Variants in SLC9B1 observed in about 807,000 individuals in gnomAD.
SLC9B1 encodes the protein sodium/hydrogen exchanger 9B1.
A neutral mutation model predicts 51.7 loss-of-function variants in SLC9B1; 32 were observed. The ratio of observed to expected loss-of-function variants is 0.62; its 90% CI spans 0.47 to 0.83. SLC9B1 has a LOEUF of 0.83. SLC9B1 is among the 40% of genes least tolerant of loss of function. SLC9B1 has a pLI of 0.00. For synonymous variants in SLC9B1, 145 were observed against 212.7 expected (o/e 0.68, Z 2.77); for missense variants, 406 against 613.2 (o/e 0.66, Z 3.57).
chr4:102,925,673 A>T (rs940462096), intron 7 of SLC9B1, among the ~76,000 whole-genome samples: 4 of 149,444 alleles, frequency 2.7e-5, no homozygotes, highest in African/African-American at 1.0e-4. Flanking sequence ...AAAACATCAA[A>T]AAAATTAAAC....
At chr4:103,005,104 T>C (rs1227046844) in intron 1 of SLC9B1, among the ~76,000 whole-genome samples, 1 of 152,124 alleles carries the variant, frequency 6.6e-6, no homozygotes, top group African/African-American at 2.4e-5. Context: ...CAACTTTGAA[T>C]GTAAATGAGC....
chr4:102,988,205 G>C (rs1739758072), intron 3 of SLC9B1, among the ~76,000 whole-genome samples: 1 of 152,044 alleles, frequency 6.6e-6, no homozygotes, highest in African/African-American at 2.4e-5. Flanking sequence ...AAAGTAGGCT[G>C]AAAAGAAACA....
At chr4:103,009,062 T>A (rs1027118729) in intron 1 of SLC9B1, among the ~76,000 whole-genome samples, 2 of 152,202 alleles carry the variant, frequency 1.3e-5, no homozygotes, top group African/African-American at 2.4e-5. Flanking sequence ...CCTCCCAAAG[T>A]ACTGGGATTA....
intron 7 of SLC9B1, among the ~76,000 whole-genome samples, chr4:102,925,458 G>A (rs1446978123): frequency 6.6e-6 from 1 of 151,966 alleles, no homozygotes; most frequent in Non-Finnish European, 1.5e-5. Context: ...TGTAAATGAC[G>A]AGTTAATGGG....
intron 3 of SLC9B1, among the ~76,000 whole-genome samples, chr4:102,964,378 C>G (rs559805903): frequency 2.0e-5 from 3 of 151,836 alleles, no homozygotes; most frequent in Non-Finnish European, 2.9e-5. Flanking sequence ...GGAAATAATA[C>G]CAATGTTACA....
chr4:102,947,145 G>A (rs1488187203), intron 4 of SLC9B1, among the ~76,000 whole-genome samples: 2 of 152,166 alleles, frequency 1.3e-5, no homozygotes, highest in Non-Finnish European at 2.9e-5. Flanking sequence ...TTTTATGTGA[G>A]GGTCTTGGTG....
At chr4:102,897,865 A>T (rs1734610971), downstream of SLC9B1, 3 of 378,710 alleles carry the variant, frequency 7.9e-6, no homozygotes, top group Admixed American at 6.9e-5. Flanking sequence ...GCACCATTTC[A>T]CAGTATAAAT....
At chr4:102,990,957 T>C (rs902402969) in intron 2 of SLC9B1, among the ~76,000 whole-genome samples, 2 of 152,006 alleles carry the variant, frequency 1.3e-5, no homozygotes, top group South Asian at 4.1e-4. Flanking sequence ...TGTTACTATA[T>C]AAAAGGGATA....
chr4:103,016,209 T>C (rs1012376596), intron 1 of SLC9B1, among the ~76,000 whole-genome samples: 15 of 149,362 alleles, frequency 1.0e-4, no homozygotes, highest in Non-Finnish European at 1.9e-4. Flanking sequence ...CTTCTATATA[T>C]TCCCTGGATT....
intron 3 of SLC9B1, among the ~76,000 whole-genome samples, chr4:102,963,799 G>T (rs1479606998): frequency 2.6e-5 from 4 of 152,034 alleles, no homozygotes; most frequent in Admixed American, 6.5e-5. Context: ...TTATTTACAG[G>T]ATGCAATTAA....
At chr4:102,943,333 A>G (rs565754845) in intron 6 of SLC9B1, among the ~76,000 whole-genome samples, 1 of 152,278 alleles carries the variant, frequency 6.6e-6, no homozygotes, top group Non-Finnish European at 1.5e-5. Flanking sequence ...CTGGGTATCT[A>G]CCCAGAGGAA....
chr4:102,948,951 G>A (rs1172587118), intron 4 of SLC9B1, among the ~76,000 whole-genome samples: 1 of 152,038 alleles, frequency 6.6e-6, no homozygotes, highest in Admixed American at 6.6e-5. Flanking sequence ...TATGTACCCC[G>A]TGAATCTAAA....
At chr4:102,885,157 A>T (rs1008100897) in exon 12 of SLC9B1, 1 of 1,294,052 alleles carries the variant, frequency 7.7e-7, no homozygotes, top group Non-Finnish European at 1.1e-6. Context: ...GAAACTAGAC[A>T]TGCTATTTTG....
At chr4:102,973,447 C>T (rs1205142693) in intron 3 of SLC9B1, among the ~76,000 whole-genome samples, 2 of 152,164 alleles carry the variant, frequency 1.3e-5, no homozygotes, top group African/African-American at 4.8e-5. Flanking sequence ...AAATCCTCAA[C>T]CTTGAAGAAA....
chr4:102,888,863 C>T (rs1223457309), intron 11 of SLC9B1: 3 of 152,246 alleles, frequency 2.0e-5, no homozygotes, highest in African/African-American at 7.2e-5. Context: ...GCTAGGCACT[C>T]TGGAAACTGC....
At chr4:102,926,651 T>C (rs1222453971) in intron 7 of SLC9B1, among the ~76,000 whole-genome samples, 2 of 152,096 alleles carry the variant, frequency 1.3e-5, no homozygotes, top group Non-Finnish European at 2.9e-5. Flanking sequence ...AGAATCAATA[T>C]CATGGAAATG....
chr4:102,948,325 T>TACAC (rs375091561), intron 4 of SLC9B1, among the ~76,000 whole-genome samples: 20,570 of 127,318 alleles, frequency 0.16, 1,632 homozygotes, highest in African/African-American at 0.17. Context: ...GGCAAAGCCA[T>TACAC]ACACACACAC....
intron 1 of SLC9B1, among the ~76,000 whole-genome samples, chr4:103,001,278 C>T (rs1342351666): frequency 6.6e-6 from 1 of 152,226 alleles, no homozygotes; most frequent in Non-Finnish European, 1.5e-5. Context: ...GAGGGGCTGC[C>T]ATGAAGATCT....
intron 11 of SLC9B1, chr4:102,887,192 G>A (rs1359271715): frequency 7.4e-5 from 43 of 584,914 alleles, no homozygotes; most frequent in Non-Finnish European, 1.0e-4. Context: ...ATATGGTTCA[G>A]TTGGATGTAG....
Sources: allele counts gnomAD v4.1 joint callset (sites outside exome capture counted in the v4.1 genomes callset), GRCh38; gene constraint gnomAD v4.1.1; transcripts MANE v1.5; gene names NCBI Gene and HGNC (gene_info 2026-07-23, HGNC 2026-07-21).